Variants in PPIE observed in about 807,000 individuals in gnomAD.
The protein encoded by PPIE is peptidyl-prolyl cis-trans isomerase E.
Under a neutral mutation model 38.4 loss-of-function variants are expected in PPIE, and 20 were observed. The ratio of observed to expected loss-of-function variants is 0.52; its 90% CI spans 0.37 to 0.76. The LOEUF is 0.76. Among genes scored for constraint, PPIE ranks in the 30% least tolerant of loss-of-function variants. PPIE has a pLI of 0.00. For synonymous variants in PPIE, 142 were observed against 135.7 expected, an observed-to-expected ratio of 1.05 and a Z score of -0.32; for missense variants, 322 against 385.8, an observed-to-expected ratio of 0.83 and a Z score of 1.39.
At chr1:39,748,574 T>G (rs1427233577) in intron 7 of PPIE, 1 of 246,928 alleles carries the variant, frequency 4.0e-6, no homozygotes, top group Non-Finnish European at 8.0e-6. Flanking sequence ...CCATCTCTAC[T>G]AAAAATACAA....
At position 39,755,850 on chromosome 1, in the gene PPIE, G is replaced by A. The variant is rs368967837; in HGVS notation, c.*2495G>A. On this transcript the variant is annotated 3_prime_UTR_variant, in exon 10 of 10. Coordinates refer to ENST00000324379, the MANE Select transcript of PPIE (RefSeq NM_006112.4). ...GCACAGGTAAACTGAGGCTTTATTG[G>A]CGTGACTGCCAAAGGTCACACAGGG... 1 of 985,296 alleles carries A rather than the reference G, an allele frequency of 1.0e-6. No homozygotes were observed. Among genetic ancestry groups the A allele is most frequent in the East Asian group, 1.1e-4 (1 of 8,834 alleles). The allele number at this position is 985,296 out of a possible 1,614,324, so 61.0% of individuals were successfully genotyped here. A position where few individuals can be genotyped will look rare whatever the true frequency, so the allele number is the denominator to read the frequency against.
At chr1:39,740,291 T>A in intron 2 of PPIE, 28 bp downstream of exon 2, 1 of 1,551,046 alleles carries the variant, frequency 6.4e-7, no homozygotes, top group Non-Finnish European at 8.8e-7. Context: ...ACGTTCAGAA[T>A]CCTCTTACTA....
chr1:39,748,799 T>C, intron 7 of PPIE, 104 bp from the exon 8 acceptor site: 1 of 1,036,140 alleles, frequency 9.7e-7, no homozygotes. Context: ...AATGAGTATC[T>C]CTTATTTTAA....
chr1:39,763,025 T>C, intron 9 of PPIE: 1 of 1,569,264 alleles, frequency 6.4e-7, no homozygotes, highest in Non-Finnish European at 8.8e-7. Context: ...CCCAGCCAGC[T>C]GGACCAGACC....
rs965768231 is a variant in PPIE, at chr1:39,756,027, G to A, written c.*2672G>A. 2 of 985,280 alleles carry A rather than the reference G, an allele frequency of 2.0e-6. No individual in the cohort carries two copies. Among genetic ancestry groups the A allele is most frequent in the African/African-American group, 1.7e-5 (1 of 57,212 alleles). The allele number at this position is 985,280 out of a possible 1,614,324, so 61.0% of individuals were successfully genotyped here. A position where few individuals can be genotyped will look rare whatever the true frequency, so the allele number is the denominator to read the frequency against. ...AGTCATGGTCCCCATGATTGGCCAG[G>A]ACCTGTGTGGAGAGACACAGGAGAC... is the stretch of plus-strand genomic sequence containing the variant. On this transcript the variant is annotated 3_prime_UTR_variant, in exon 10 of 10. Transcript: ENST00000324379.
At chr1:39,741,662 C>T in intron 3 of PPIE, 1 of 624,526 alleles carries the variant, frequency 1.6e-6, no homozygotes, top group South Asian at 2.0e-5. Context: ...GTTCATTGAG[C>T]ATTCTTGCCT....
At chr1:39,740,495 A>T (rs192920321) in intron 2 of PPIE, among the ~76,000 whole-genome samples, 2 of 152,316 alleles carry the variant, frequency 1.3e-5, no homozygotes, top group African/African-American at 4.8e-5. Flanking sequence ...TTGAGATAAG[A>T]CAGATTTTTC....
intron 9 of PPIE, chr1:39,762,640 G>T (rs1159372713): frequency 3.9e-6 from 6 of 1,544,252 alleles, no homozygotes; most frequent in Non-Finnish European, 5.2e-6. Flanking sequence ...TCCTGCCTGC[G>T]GTGCGGCACA....
intron 8 of PPIE, among the ~76,000 whole-genome samples, chr1:39,752,369 C>T (rs947296657): frequency 6.6e-6 from 1 of 152,178 alleles, no homozygotes; most frequent in African/African-American, 2.4e-5. Flanking sequence ...TAAACTCTTC[C>T]TCCTCCTCTT....
intron 9 of PPIE, chr1:39,762,683 TG>T: frequency 6.7e-7 from 1 of 1,493,184 alleles, no homozygotes; most frequent in South Asian, 1.3e-5. Context: ...CCCCACACAC[TG>T]TGCACACATA....
intron 2 of PPIE, 111 bp from the exon 3 acceptor site, chr1:39,741,255 A>T: frequency 1.2e-6 from 1 of 857,220 alleles, no homozygotes; most frequent in Non-Finnish European, 2.0e-6. Flanking sequence ...GTGATTGGAT[A>T]GAACTTCTGG....
At position 39,752,955 on chromosome 1, in the gene PPIE, A is replaced by G; in HGVS notation, c.740A>G (p.Gln247Arg). The G allele has an allele frequency of 6.2e-7, 1 of 1,614,164 alleles. No homozygotes were observed. The highest frequency in any genetic ancestry group is 8.5e-7 in the Non-Finnish European group (1 of 1,180,006). Residue 247 changes from glutamine (Q) to arginine (R), a missense_variant, in exon 9 of 10, where the codon CAG becomes CGG. Physicochemically the swap from Gln to Arg is conservative, Grantham distance 43. Coordinates refer to ENST00000324379, the MANE Select transcript of PPIE (RefSeq NM_006112.4). ...ANSGPNTNGS[Q>R]FFLTCDKTDW... is the part of the protein sequence containing the mutation. ...TCTGGCCCAAACACCAATGGCTCTC[A>G]GTTCTTCCTGACATGTGACAAGACA...
chr1:39,753,820 TCC>T lies in PPIE; in HGVS notation c.*467_*468del. ...CATCTTTTTCACAGCTTTCATTTCC[TCC>T]CTTGGGCCGATCCCCTTAGATGTCA... On this transcript the variant is annotated 3_prime_UTR_variant, in exon 10 of 10. Coordinates refer to ENST00000324379, the MANE Select transcript of PPIE (RefSeq NM_006112.4). 2.0e-6 allele frequency: 2 copies of T among 992,760 alleles called. No individual in the cohort carries two copies. Among genetic ancestry groups the T allele is most frequent in the Non-Finnish European group, 2.4e-6 (2 of 834,574 alleles). 61.5% of individuals were successfully genotyped at this position (992,760 alleles called of 1,614,324 possible). A position where few individuals can be genotyped will look rare whatever the true frequency, so the allele number is the denominator to read the frequency against.
intron 9 of PPIE, chr1:39,763,094 G>C (rs772347724): frequency 6.2e-7 from 1 of 1,613,724 alleles, no homozygotes; most frequent in Admixed American, 1.7e-5. Context: ...GTACTGACCA[G>C]GGACTGCAGG....
At position 39,756,263 on chromosome 1, in the gene PPIE, CTG is replaced by C; in HGVS notation, c.*2913_*2914del. 1.0e-6 allele frequency: 1 copy of C among 985,480 alleles called. No individual in the cohort carries two copies. Among genetic ancestry groups the C allele is most frequent in the Non-Finnish European group, 1.2e-6 (1 of 829,940 alleles). 61.0% of individuals were successfully genotyped at this position (985,480 alleles called of 1,614,324 possible). A position where few individuals can be genotyped will look rare whatever the true frequency, so the allele number is the denominator to read the frequency against. On this transcript the variant is annotated 3_prime_UTR_variant, in exon 10 of 10. Coordinates refer to ENST00000324379, the MANE Select transcript of PPIE (RefSeq NM_006112.4). ...GAGAGCAAAGCGGCTTTCCCTGGGA[CTG>C]TGTGGCTCCTGTCCCAACTGGCCTC...
intron 2 of PPIE, 33 bp downstream of exon 2, chr1:39,740,296 T>A: frequency 6.5e-7 from 1 of 1,539,542 alleles, no homozygotes; most frequent in Non-Finnish European, 8.9e-7. Context: ...CAGAATCCTC[T>A]TACTAGGAAA....
chr1:39,746,395 T>C (rs954581301), intron 7 of PPIE: 1 of 152,206 alleles, frequency 6.6e-6, no homozygotes, highest in Admixed American at 6.5e-5. Context: ...GGTGTCTGCA[T>C]CTTGTTAAGG....
chr1:39,746,526 C>T (rs1022041933), intron 7 of PPIE: 1 of 152,242 alleles, frequency 6.6e-6, no homozygotes, highest in African/African-American at 2.4e-5. Flanking sequence ...CAGAGACCCT[C>T]TGCTTTAACC....
chr1:39,750,557 A>G (rs2124353226), intron 8 of PPIE, among the ~76,000 whole-genome samples: 1 of 152,344 alleles, frequency 6.6e-6, no homozygotes, highest in South Asian at 2.1e-4. Flanking sequence ...TCCTTTGAGT[A>G]TCATATCAGT....
Sources: gnomAD v4.1 joint callset for allele counts (sites outside exome capture counted in the v4.1 genomes callset) on GRCh38, gnomAD v4.1.1 for gene constraint, MANE v1.5 for transcripts, NCBI Gene and HGNC (gene_info 2026-07-23, HGNC 2026-07-21) for gene names.